AGTPBP1: variants seen among roughly 807,000 people sequenced by gnomAD.
AGTPBP1 encodes the protein ATP/GTP binding carboxypeptidase 1.
A neutral mutation model predicts 143.9 loss-of-function variants in AGTPBP1; 70 were observed. The observed-to-expected ratio is 0.49, with a 90% CI of 0.40 to 0.59. The LOEUF (loss-of-function observed/expected upper bound fraction) is 0.59, where lower values mean the gene tolerates loss of function less well. AGTPBP1 is among the 20% of genes least tolerant of loss of function. The pLI is 0.00. For missense variants in AGTPBP1, 1,229 were observed against 1,464.5 expected (o/e 0.84, Z 2.62); for synonymous variants, 463 against 500.2 (o/e 0.93, Z 0.99).
At chr9:85,805,444 C>T in the AGTPBP1 span, 4 of 151,788 alleles carry the variant, frequency 2.6e-5, no homozygotes, top group East Asian at 7.8e-4. Flanking sequence ...GTGGGCCGAC[C>T]GCGACCCCCG....
intron 18 of AGTPBP1, among the ~76,000 whole-genome samples, chr9:85,595,825 C>T (rs1000402463): frequency 1.3e-5 from 2 of 152,176 alleles, no homozygotes; most frequent in Non-Finnish European, 2.9e-5. Context: ...CCACACCCAG[C>T]CTCTAGCACT....
At chr9:85,631,286 G>T (rs1831660737) in intron 14 of AGTPBP1, among the ~76,000 whole-genome samples, 1 of 152,220 alleles carries the variant, frequency 6.6e-6, no homozygotes, top group South Asian at 2.1e-4. Context: ...GGCCACTTCT[G>T]TTCCCACCTC....
At chr9:85,741,971 A>G (rs1347267838), upstream of AGTPBP1, 6 of 1,235,428 alleles carry the variant, frequency 4.9e-6, 1 homozygote, top group East Asian at 6.6e-5. Context: ...ATCCCGGGCA[A>G]CGTCAGCGCG....
At chr9:85,553,274 T>C (rs191999990) in intron 25 of AGTPBP1, among the ~76,000 whole-genome samples, 11 of 152,356 alleles carry the variant, frequency 7.2e-5, no homozygotes, top group Admixed American at 5.9e-4. Context: ...TGTTGAAAAG[T>C]ACAATACAGT....
intron 1 of AGTPBP1, among the ~76,000 whole-genome samples, chr9:85,731,909 T>G (rs1428911421): frequency 6.6e-6 from 1 of 152,304 alleles, no homozygotes; most frequent in Non-Finnish European, 1.5e-5. Flanking sequence ...CAAACAAATC[T>G]GTAAGGTTCA....
At chr9:85,619,353 A>T (rs771749472) in intron 15 of AGTPBP1, 52 bp from the exon 16 acceptor site, 1 of 1,269,590 alleles carries the variant, frequency 7.9e-7, no homozygotes, top group Admixed American at 2.2e-5. Flanking sequence ...ATTTAAACAG[A>T]TGAGCAAAAA....
chr9:85,753,678 G>A, the AGTPBP1 span, among the ~76,000 whole-genome samples: 1 of 151,754 alleles, frequency 6.6e-6, no homozygotes, highest in South Asian at 2.1e-4. Flanking sequence ...CTTGAACCCT[G>A]GAGGTGGAGG....
chr9:85,588,746 T>TAAC (rs1828769945), intron 20 of AGTPBP1, among the ~76,000 whole-genome samples: 1 of 152,174 alleles, frequency 6.6e-6, no homozygotes, highest in Non-Finnish European at 1.5e-5. Context: ...ATGACTAATT[T>TAAC]AACATGTAAA....
intron 2 of AGTPBP1, among the ~76,000 whole-genome samples, chr9:85,707,055 A>AT (rs1435205418): frequency 4.6e-5 from 7 of 152,184 alleles, no homozygotes; most frequent in African/African-American, 1.7e-4. Context: ...GCTGATACTA[A>AT]TCAAGTCAAC....
intron 8 of AGTPBP1, 120 bp from the exon 9 acceptor site, chr9:85,661,093 CTT>C (rs1285050445): frequency 6.2e-6 from 5 of 804,530 alleles, no homozygotes; most frequent in Non-Finnish European, 7.5e-6. Context: ...AAAGTTTACT[CTT>C]GTTTAAGATA....
chr9:85,688,365 A>G (rs971812390), intron 3 of AGTPBP1, among the ~76,000 whole-genome samples: 5 of 152,142 alleles, frequency 3.3e-5, no homozygotes, highest in Non-Finnish European at 7.4e-5. Context: ...AATGTTCAGC[A>G]ACATCTCGGG....
intron 4 of AGTPBP1, among the ~76,000 whole-genome samples, chr9:85,680,623 TGG>T (rs1239992892): frequency 6.6e-6 from 1 of 151,710 alleles, no homozygotes; most frequent in Non-Finnish European, 1.5e-5. Flanking sequence ...AAAAAACTGT[TGG>T]TAACTTTTAT....
chr9:85,664,787 G>A (rs755976932), intron 8 of AGTPBP1, among the ~76,000 whole-genome samples: 24 of 152,060 alleles, frequency 1.6e-4, no homozygotes, highest in Non-Finnish European at 3.4e-4. Context: ...TGTTAAGAAG[G>A]TCTCAAGACT....
chr9:85,612,745 T>A (rs1469291589), intron 17 of AGTPBP1, among the ~76,000 whole-genome samples: 1 of 152,132 alleles, frequency 6.6e-6, no homozygotes, highest in East Asian at 1.9e-4. Flanking sequence ...AGGTAGTTTG[T>A]ATCATAACTG....
chr9:85,675,990 A>C (rs1208109527), intron 6 of AGTPBP1, among the ~76,000 whole-genome samples: 1 of 152,144 alleles, frequency 6.6e-6, no homozygotes, highest in Non-Finnish European at 1.5e-5. Flanking sequence ...ACACCACTGC[A>C]CTCCAGCCTG....
chr9:85,691,536 G>GGGGTGTGTGTGT (rs147512485), intron 3 of AGTPBP1, among the ~76,000 whole-genome samples: 16 of 144,544 alleles, frequency 1.1e-4, no homozygotes, highest in African/African-American at 3.8e-4. Flanking sequence ...AAAAAAAGAG[G>GGGGTGTGTGTGT]GTGTGTGTGT....
At chr9:85,627,722 AG>A (rs1311229081) in intron 14 of AGTPBP1, among the ~76,000 whole-genome samples, 1 of 152,220 alleles carries the variant, frequency 6.6e-6, no homozygotes, top group Non-Finnish European at 1.5e-5. Context: ...CTCTTCAGCC[AG>A]TTGACAAGAA....
intron 11 of AGTPBP1, among the ~76,000 whole-genome samples, chr9:85,647,994 A>C (rs1832920128): frequency 6.6e-6 from 1 of 152,226 alleles, no homozygotes; most frequent in Admixed American, 6.5e-5. Flanking sequence ...TGAGAGAGAC[A>C]GCATACGGGT....
intron 7 of AGTPBP1, among the ~76,000 whole-genome samples, chr9:85,670,241 C>G (rs1239840054): frequency 6.6e-6 from 1 of 152,014 alleles, no homozygotes; most frequent in African/African-American, 2.4e-5. Context: ...AAAAGATACA[C>G]AAATAGGAAG....
Sources: allele counts gnomAD v4.1 joint callset (sites outside exome capture counted in the v4.1 genomes callset), GRCh38; gene constraint gnomAD v4.1.1; transcripts MANE v1.5; gene names NCBI Gene and HGNC (gene_info 2026-07-23, HGNC 2026-07-21).